TUBB6: variants seen among roughly 807,000 people sequenced by gnomAD.
TUBB6 encodes tubulin beta 6 class V.
A neutral mutation model predicts 32.3 loss-of-function variants in TUBB6; 18 were observed. The ratio of observed to expected loss-of-function variants is 0.56; its 90% CI spans 0.39 to 0.83. The LOEUF is 0.83. Among genes scored for constraint, TUBB6 ranks in the 40% least tolerant of loss-of-function variants. The pLI is 0.00. For synonymous variants in TUBB6, 280 were observed against 265.8 expected, an observed-to-expected ratio of 1.05 and a Z score of -0.52; for missense variants, 480 against 632.0, an observed-to-expected ratio of 0.76 and a Z score of 2.58.
chr18:12,308,685 A>C lies in TUBB6; in HGVS notation c.58-2A>C. The C allele has an allele frequency of 6.2e-7, 1 of 1,604,418 alleles. No homozygotes were observed. Among genetic ancestry groups the C allele is most frequent in the Non-Finnish European group, 8.5e-7 (1 of 1,172,082 alleles). ...CTGTCCCCCCGCCTTGCCCTGCCCA[A>C]GTTTTGGGAAGTGATCAGCGATGAG... is the stretch of plus-strand genomic sequence containing the variant. On this transcript the variant is annotated splice_acceptor_variant, in intron 1 of 3. Coordinates refer to ENST00000317702, the MANE Select transcript of TUBB6 (RefSeq NM_032525.3). LOFTEE classifies it high-confidence loss of function.
At chr18:12,326,626 C>T (rs1351273678), downstream of TUBB6, 1 of 161,892 alleles carries the variant, frequency 6.2e-6, no homozygotes, top group Non-Finnish European at 1.4e-5. Context: ...ACAATGGCTA[C>T]TTGGGTCACT....
chr18:12,321,302 A>G (rs1025507319), intron 3 of TUBB6, among the ~76,000 whole-genome samples: 1 of 152,144 alleles, frequency 6.6e-6, no homozygotes, highest in Non-Finnish European at 1.5e-5. Context: ...TCTTGCACTG[A>G]ACACCTACAG....
chr18:12,324,985 C>T (rs1225580610), intron 3 of TUBB6, 82 bp from the exon 4 acceptor site: 1 of 1,519,070 alleles, frequency 6.6e-7, no homozygotes, highest in Non-Finnish European at 8.8e-7. Flanking sequence ...GGAATCACTT[C>T]ACACCCTCCT....
Position 12,308,895 on chromosome 18 carries a change from CG to C in TUBB6, c.166+104del, listed in dbSNP as rs1763696974. On this transcript the variant is annotated intron_variant, in intron 2 of 3. Coordinates refer to ENST00000317702, the MANE Select transcript of TUBB6 (RefSeq NM_032525.3). ...GAGTTTGCTTCGGGAAAAGTTCTCT[CG>C]GGGTGTAGCAGGATGCCCGGCCACT... The C allele has an allele frequency of 3.8e-6, 3 of 785,608 alleles. No individual in the cohort carries two copies. In the South Asian group the frequency reaches 4.4e-5, roughly 11 times the overall value. 48.7% of individuals were successfully genotyped at this position (785,608 alleles called of 1,614,324 possible). A position where few individuals can be genotyped will look rare whatever the true frequency, so the allele number is the denominator to read the frequency against.
intron 3 of TUBB6, among the ~76,000 whole-genome samples, chr18:12,320,249 T>A (rs1446599396): frequency 8.0e-6 from 1 of 125,392 alleles, no homozygotes; most frequent in Non-Finnish European, 1.7e-5. Context: ...AATAAAAAAT[T>A]CCTTTTTTAT....
chr18:12,320,029 C>A (rs1339886184), intron 3 of TUBB6, among the ~76,000 whole-genome samples: 1 of 151,990 alleles, frequency 6.6e-6, no homozygotes, highest in African/African-American at 2.4e-5. Flanking sequence ...ACCTCGTGAT[C>A]CACCCGCCTC....
Position 12,312,999 on chromosome 18 carries a change from C to CAAAAAAAA in TUBB6, c.277+1956_277+1963dup, listed in dbSNP as rs59962916. Among the ~76,000 whole-genome samples the CAAAAAAAA allele has an allele frequency of 3.3e-3, 352 of 106,466 alleles. 3 individuals carry two copies. Among genetic ancestry groups the CAAAAAAAA allele is most frequent in the Middle Eastern group, 0.021 (4 of 190 alleles). 69.8% of individuals were successfully genotyped at this position (106,466 alleles called of 152,430 possible). A position where few individuals can be genotyped will look rare whatever the true frequency, so the allele number is the denominator to read the frequency against. ...GGGCAACAAGAGTGAAATTCTATCT[C>CAAAAAAAA]AAAAAAAAAAAAAAAAAGATAAAGT... On this transcript the variant is annotated intron_variant, in intron 3 of 3. Coordinates refer to ENST00000317702, the MANE Select transcript of TUBB6 (RefSeq NM_032525.3).
chr18:12,319,458 T>G (rs1906862954), intron 3 of TUBB6, among the ~76,000 whole-genome samples: 1 of 152,142 alleles, frequency 6.6e-6, no homozygotes, highest in Non-Finnish European at 1.5e-5. Flanking sequence ...GCTGACATTT[T>G]TCTGTGTCCA....
downstream of TUBB6, chr18:12,329,601 C>T (rs767374819): frequency 3.2e-5 from 52 of 1,614,190 alleles, no homozygotes; most frequent in South Asian, 5.7e-4. Context: ...GCTCCTCTTT[C>T]TCCTTTTCCC....
rs1407676737 is a variant in TUBB6, at chr18:12,325,576, C to G, written c.787C>G (p.Leu263Val). 6.2e-7 allele frequency: 1 copy of G among 1,614,090 alleles called. No homozygotes were observed. The highest frequency in any genetic ancestry group is 8.5e-7 in the Non-Finnish European group (1 of 1,180,028). ...GGTGAACATGGTGCCCTTCCCGCGC[C>G]TGCACTTCTTCATGCCTGGCTTCGC... ...LAVNMVPFPR[L>V]HFFMPGFAPL... Residue 263 changes from leucine (L) to valine (V), a missense_variant, in exon 4 of 4, where the codon CTG (leucine) becomes GTG (valine). Transcript: ENST00000317702.
chr18:12,329,506 G>A (rs888743319), downstream of TUBB6: 20 of 1,541,146 alleles, frequency 1.3e-5, no homozygotes, highest in Non-Finnish European at 1.7e-5. Flanking sequence ...AGCCACAGCT[G>A]AAATAATGCA....
chr18:12,326,474 A>G lies in TUBB6; in HGVS notation c.*344A>G. The G allele has an allele frequency of 3.6e-6, 1 of 279,696 alleles. No homozygotes were observed. Among genetic ancestry groups the G allele is most frequent in the Non-Finnish European group, 6.7e-6 (1 of 148,968 alleles). 17.3% of individuals were successfully genotyped at this position (279,696 alleles called of 1,614,324 possible). A position where few individuals can be genotyped will look rare whatever the true frequency, so the allele number is the denominator to read the frequency against. On this transcript the variant is annotated 3_prime_UTR_variant, in exon 4 of 4. Transcript: ENST00000317702. The stretch of plus-strand genomic sequence containing the variant: ...GAAACAGTCTTTTTCATCCTTTGTG[A>G]TGAAGCCTGAAATTGTGCCGTGTTG...
chr18:12,320,762 CTTT>C (rs1233034862), intron 3 of TUBB6: 1 of 152,164 alleles, frequency 6.6e-6, no homozygotes, highest in East Asian at 1.9e-4. Flanking sequence ...GGTTGTTCCC[CTTT>C]TTATTATTAT....
At chr18:12,323,689 T>A (rs1352317915) in intron 3 of TUBB6, among the ~76,000 whole-genome samples, 1 of 151,988 alleles carries the variant, frequency 6.6e-6, no homozygotes, top group Non-Finnish European at 1.5e-5. Context: ...GTGCCTGTAG[T>A]CACAGCTACT....
intron 1 of TUBB6, 91 bp downstream of exon 1, chr18:12,308,440 G>A: frequency 1.9e-6 from 2 of 1,070,686 alleles, no homozygotes; most frequent in South Asian, 3.5e-5. Context: ...GCGCGCACCC[G>A]CTGTGCGCCC....
intron 3 of TUBB6, among the ~76,000 whole-genome samples, chr18:12,323,275 C>T (rs1039748859): frequency 3.3e-5 from 5 of 152,094 alleles, no homozygotes; most frequent in African/African-American, 9.7e-5. Context: ...ATATGAAACT[C>T]GTAGTGCCCA....
chr18:12,318,802 G>T (rs1224104020), intron 3 of TUBB6, among the ~76,000 whole-genome samples: 1 of 152,140 alleles, frequency 6.6e-6, no homozygotes, highest in Non-Finnish European at 1.5e-5. Context: ...TTGTCACCCA[G>T]GCTGGAGTGC....
At position 12,325,072 on chromosome 18, in the gene TUBB6, A is replaced by G; in HGVS notation, c.283A>G (p.Thr95Ala). The G allele has an allele frequency of 1.3e-6, 2 of 1,568,798 alleles. No homozygotes were observed. The highest frequency in any genetic ancestry group is 1.7e-6 in the Non-Finnish European group (2 of 1,154,118). The change falls in exon 4 of 4, where the codon ACG becomes GCG. Residue 95 changes from threonine (T) to alanine (A), a missense_variant. Transcript: ENST00000317702. Reference protein sequence around the residue: ...FRPDNFIFGQTGAGNNWAKGH... With the variant: ...FRPDNFIFGQAGAGNNWAKGH... ...CGGGACTCTCTTTGTTGCAGGCCAG[A>G]CGGGTGCAGGGAACAACTGGGCGAA...
Position 12,325,317 on chromosome 18 carries a change from G to T in TUBB6, c.528G>T (p.Ser176=). ...TFSVMPSPKV[S]DTVVEPYNAT... The stretch of plus-strand genomic sequence containing the variant: ...GCGTCATGCCCTCGCCCAAGGTGTC[G>T]GACACGGTGGTGGAGCCCTACAATG... Residue 176 remains serine (S), a synonymous_variant, in exon 4 of 4, where the codon TCG becomes TCT. Coordinates refer to ENST00000317702, the MANE Select transcript of TUBB6 (RefSeq NM_032525.3). The T allele has an allele frequency of 1.2e-6, 2 of 1,614,200 alleles. No homozygotes were observed. The highest frequency in any genetic ancestry group is 1.7e-6 in the Non-Finnish European group (2 of 1,180,022).
Sources: gnomAD v4.1 joint callset for allele counts (sites outside exome capture counted in the v4.1 genomes callset) on GRCh38, gnomAD v4.1.1 for gene constraint, MANE v1.5 for transcripts, NCBI Gene and HGNC (gene_info 2026-07-23, HGNC 2026-07-21) for gene names.